FANCC: variants seen among roughly 807,000 people sequenced by gnomAD.
FANCC encodes Fanconi anemia group C protein.
FANCC carries 55 observed loss-of-function variants against 71.3 expected under a neutral mutation model. The observed-to-expected ratio is 0.77, with a 90% CI of 0.62 to 0.97. The LOEUF (loss-of-function observed/expected upper bound fraction) is 0.97. Ranked by LOEUF, FANCC falls within the 50% of genes least tolerant of loss-of-function variation. FANCC has a pLI of 0.00. For missense variants in FANCC, 678 were observed against 670.9 expected (o/e 1.01, Z -0.12); for synonymous variants, 275 against 244.9 (o/e 1.12, Z -1.15).
chr9:95,150,973 A>T (rs1410963349), intron 6 of FANCC, among the ~76,000 whole-genome samples: 1 of 152,244 alleles, frequency 6.6e-6, no homozygotes, highest in African/African-American at 2.4e-5. Flanking sequence ...AAATAAAATT[A>T]AAAATCCAGC....
chr9:95,266,521 C>T (rs1479760426), intron 1 of FANCC, among the ~76,000 whole-genome samples: 1 of 152,186 alleles, frequency 6.6e-6, no homozygotes, highest in African/African-American at 2.4e-5. Flanking sequence ...CACCTCTGTT[C>T]TTTTATAATA....
At chr9:95,197,558 T>A (rs1827536151) in intron 4 of FANCC, among the ~76,000 whole-genome samples, 1 of 151,958 alleles carries the variant, frequency 6.6e-6, no homozygotes, top group African/African-American at 2.4e-5. Flanking sequence ...AACCCCAATA[T>A]AATAAAGGAA....
At chr9:95,138,594 T>C (rs1372068117) in intron 7 of FANCC, among the ~76,000 whole-genome samples, 1 of 152,158 alleles carries the variant, frequency 6.6e-6, no homozygotes, top group East Asian at 1.9e-4. Context: ...TTTTTCAGGA[T>C]CCATGTAACA....
At chr9:95,290,200 A>G (rs1833923570) in intron 1 of FANCC, among the ~76,000 whole-genome samples, 3 of 152,186 alleles carry the variant, frequency 2.0e-5, no homozygotes, top group African/African-American at 7.2e-5. Flanking sequence ...ATTAGAAGTG[A>G]TAAGGGAGCT....
In FANCC at chr9:95,182,748, G is replaced by A. The variant is rs142941843; in HGVS notation, c.346-10601C>T. ...GTGGGAACAGAGCAAGGAGAGATGA[G>A]TTCCAACTGCTGGGTTCTGGGGTAC... On this transcript the variant is annotated intron_variant, in intron 4 of 14. Coordinates refer to ENST00000289081, the MANE Select transcript of FANCC (RefSeq NM_000136.3). 1.1e-3 allele frequency among the ~76,000 whole-genome samples: 160 copies of A among 152,180 alleles called. 2 individuals carry two copies. Among genetic ancestry groups the A allele is most frequent in the African/African-American group, 3.7e-3 (152 of 41,528 alleles).
intron 6 of FANCC, among the ~76,000 whole-genome samples, chr9:95,165,871 G>A (rs571852789): frequency 6.6e-6 from 1 of 151,998 alleles, no homozygotes; most frequent in African/African-American, 2.4e-5. Context: ...ATTAAAAGTG[G>A]GGTGGTGAAA....
intron 1 of FANCC, among the ~76,000 whole-genome samples, chr9:95,290,006 G>C (rs547467783): frequency 1.3e-5 from 2 of 152,230 alleles, no homozygotes; most frequent in South Asian, 4.1e-4. Context: ...TACATCTTCT[G>C]AAAGACTGAT....
intron 1 of FANCC, chr9:95,317,309 T>TGCCACC (rs1554876563): frequency 3.3e-4 from 10 of 30,012 alleles, no homozygotes; most frequent in Non-Finnish European, 6.6e-4. Context: ...GCCCGCCACC[T>TGCCACC]TCCGCCTCCC....
chr9:95,123,057 C>T (rs2134848259), intron 10 of FANCC, among the ~76,000 whole-genome samples: 1 of 152,284 alleles, frequency 6.6e-6, no homozygotes, highest in South Asian at 2.1e-4. Flanking sequence ...ATCCAAGCAC[C>T]TTGGGAGGGC....
chr9:95,180,256 C>G (rs1269673220), intron 4 of FANCC, among the ~76,000 whole-genome samples: 1 of 151,724 alleles, frequency 6.6e-6, no homozygotes, highest in East Asian at 1.9e-4. Flanking sequence ...ATATGTGGAG[C>G]TGTCATCTCC....
intron 11 of FANCC, among the ~76,000 whole-genome samples, chr9:95,116,170 TAAC>T (rs1387675732): frequency 6.6e-6 from 1 of 152,256 alleles, no homozygotes. Flanking sequence ...ACTGAGACAC[TAAC>T]AACTCCAGTA....
intron 3 of FANCC, among the ~76,000 whole-genome samples, chr9:95,246,593 C>A (rs1428687176): frequency 1.3e-5 from 2 of 152,166 alleles, no homozygotes; most frequent in African/African-American, 4.8e-5. Context: ...ACAAAGAGAA[C>A]TAAAACCATG....
intron 1 of FANCC, among the ~76,000 whole-genome samples, chr9:95,270,213 A>C (rs1832641202): frequency 6.6e-6 from 1 of 152,166 alleles, no homozygotes; most frequent in Admixed American, 6.5e-5. Context: ...CCCATGCCTT[A>C]GTCATGATTA....
intron 5 of FANCC, among the ~76,000 whole-genome samples, chr9:95,171,584 A>G (rs1388647632): frequency 6.6e-6 from 1 of 152,208 alleles, no homozygotes; most frequent in Non-Finnish European, 1.5e-5. Flanking sequence ...AATTTCTCAC[A>G]TTTGGCTATA....
At position 95,317,434 on chromosome 9, in the gene FANCC, T is replaced by C. The variant is rs570084474; in HGVS notation, c.-79+92A>G. 1,489 of 152,568 alleles carry C rather than the reference T, an allele frequency of 9.8e-3. 16 individuals carry two copies. The highest frequency in any genetic ancestry group is 0.013 in the Non-Finnish European group (868 of 68,394). 9.5% of individuals were successfully genotyped at this position (152,568 alleles called of 1,614,324 possible). On this transcript the variant is annotated intron_variant, in intron 1 of 14. Coordinates refer to ENST00000289081, the MANE Select transcript of FANCC (RefSeq NM_000136.3). ...TCTCGCGAGCCTTCCCTCTTGCCCC[T>C]CGCCTCCTCCTCCCGCTCTCGCCGC...
intron 4 of FANCC, among the ~76,000 whole-genome samples, chr9:95,196,513 T>C (rs1827467186): frequency 6.6e-6 from 1 of 152,208 alleles, no homozygotes; most frequent in Admixed American, 6.5e-5. Flanking sequence ...CCTGGCTCTT[T>C]GTATACCTAG....
At chr9:95,165,199 G>T (rs1036202557) in intron 6 of FANCC, among the ~76,000 whole-genome samples, 3 of 150,568 alleles carry the variant, frequency 2.0e-5, no homozygotes, top group Admixed American at 2.0e-4. Context: ...CAATTTTGCT[G>T]ATCTTTACAA....
At chr9:95,230,031 G>A (rs1226896476) in intron 4 of FANCC, among the ~76,000 whole-genome samples, 6 of 152,024 alleles carry the variant, frequency 3.9e-5, no homozygotes, top group African/African-American at 1.2e-4. Flanking sequence ...CCAACTCTGC[G>A]GAATATAATG....
At chr9:95,240,521 G>C (rs1371980262) in intron 4 of FANCC, 128 bp downstream of exon 4, 7 of 672,758 alleles carry the variant, frequency 1.0e-5, no homozygotes, top group Middle Eastern at 5.2e-4. Flanking sequence ...AACAGTGAAG[G>C]GTATGTTTGA....
Sources: gnomAD v4.1 joint callset for allele counts (sites outside exome capture counted in the v4.1 genomes callset) on GRCh38, gnomAD v4.1.1 for gene constraint, MANE v1.5 for transcripts, NCBI Gene and HGNC (gene_info 2026-07-23, HGNC 2026-07-21) for gene names.